Variants in CCDC136 observed in about 807,000 individuals in gnomAD.
CCDC136 encodes the protein coiled-coil domain containing 136, also known as coiled-coil domain-containing protein 136.
CCDC136 carries 100 observed loss-of-function variants against 141.2 expected under a neutral mutation model. That is an observed-to-expected ratio of 0.71 (90% confidence interval 0.60 to 0.84). The LOEUF is 0.84. Ranked by LOEUF, CCDC136 falls within the 40% of genes least tolerant of loss-of-function variation. CCDC136 has a pLI of 0.00. For synonymous variants in CCDC136, 474 were observed against 531.9 expected (o/e 0.89, Z 1.50); for missense variants, 1,206 against 1,379.4 (o/e 0.87, Z 1.99).
At chr7:128,791,400 G>GCCCT (rs959068039), upstream of CCDC136, 139 of 905,574 alleles carry the variant, frequency 1.5e-4, no homozygotes, top group African/African-American at 9.2e-4. This position sits in a 1 kb window ranked among gnomAD's most constrained non-coding sequence, Gnocchi z 7.1. Context: ...CCCCTCGTCC[G>GCCCT]CCCTCCCTCC....
Position 128,792,289 on chromosome 7 carries a change from C to A in CCDC136, c.-123C>A. On this transcript the variant is annotated 5_prime_UTR_variant, in exon 1 of 18. Transcript: ENST00000297788. The stretch of plus-strand genomic sequence containing the variant: ...CCCCAGCCCGCAGCCAGCCCCCCAC[C>A]CCCCAGCCCCTCCTTTCTCCCTGCT... The A allele has an allele frequency of 6.4e-7, 1 of 1,560,256 alleles. No individual in the cohort carries two copies.
At position 128,807,390 on chromosome 7, in the gene CCDC136, A is replaced by C; in HGVS notation, c.1450A>C (p.Met484Leu). ...AGAGACGCACGCTCAGCTTCAGGAG[A>C]TGAAGCAGCTGTACCAGGCCAGCAA... ...DTETHAQLQE[M>L]KQLYQASKDE... The change falls in exon 10 of 18, where the codon ATG becomes CTG. Residue 484 changes from methionine to leucine, a missense_variant. Physicochemically the swap from Met to Leu is conservative, Grantham distance 15. Coordinates refer to ENST00000297788, the MANE Select transcript of CCDC136 (RefSeq NM_022742.5). 1 of 1,569,100 alleles carries C rather than the reference A, an allele frequency of 6.4e-7. No individual in the cohort carries two copies. The highest frequency in any genetic ancestry group is 8.6e-7 in the Non-Finnish European group (1 of 1,157,752).
intron 3 of CCDC136, among the ~76,000 whole-genome samples, chr7:128,800,059 C>A (rs566096268): frequency 6.6e-6 from 1 of 152,288 alleles, no homozygotes; most frequent in Admixed American, 6.5e-5. Flanking sequence ...GAAACAACTA[C>A]TCATTATGGT....
At chr7:128,820,974 A>C (rs1807364251) in intron 17 of CCDC136, among the ~76,000 whole-genome samples, 2 of 152,202 alleles carry the variant, frequency 1.3e-5, no homozygotes, top group Admixed American at 6.5e-5. Flanking sequence ...ATAGCTTATG[A>C]CTCAAAATCC....
At position 128,811,830 on chromosome 7, in the gene CCDC136, G is replaced by T; in HGVS notation, c.2059G>T (p.Ala687Ser). The T allele has an allele frequency of 3.1e-6, 5 of 1,600,014 alleles. No homozygotes were observed. The highest frequency in any genetic ancestry group is 3.4e-6 in the Non-Finnish European group (4 of 1,174,256). ...QSKLLMEQMQ[A>S]LQVMYDAGQA... is the part of the protein sequence containing the mutation. ...CAAGCTGCTCATGGAGCAGATGCAG[G>T]CCCTGCAGGTGATGTATGACGCCGG... The change falls in exon 13 of 18, where the codon GCC becomes TCC. Residue 687 changes from alanine to serine, a missense_variant. Physicochemically the swap from Ala to Ser is moderately conservative, Grantham distance 99 (BLOSUM62 1). Transcript: ENST00000297788.
At chr7:128,803,205 T>C (rs1235259463) in intron 4 of CCDC136, among the ~76,000 whole-genome samples, 1 of 152,226 alleles carries the variant, frequency 6.6e-6, no homozygotes, top group Non-Finnish European at 1.5e-5. Flanking sequence ...AGAGTCTTGC[T>C]CTGTTACCCA....
At chr7:128,796,571 T>G (rs1802976735) in intron 3 of CCDC136, among the ~76,000 whole-genome samples, 1 of 151,724 alleles carries the variant, frequency 6.6e-6, no homozygotes, top group Non-Finnish European at 1.5e-5. Flanking sequence ...CTGCTTTACA[T>G]TTTTAAAAGA....
intron 3 of CCDC136, among the ~76,000 whole-genome samples, chr7:128,796,722 A>AATATATATATATATATATATAT (rs149502865): frequency 4.1e-5 from 5 of 120,716 alleles, no homozygotes; most frequent in South Asian, 2.5e-4. Flanking sequence ...GATGATTCAG[A>AATATATATATATATATATATAT]ATATATATAT....
chr7:128,806,449 AG>A, intron 8 of CCDC136, 54 bp downstream of exon 8: 1 of 1,498,848 alleles, frequency 6.7e-7, no homozygotes, highest in Non-Finnish European at 9.0e-7. Context: ...CATCCTTCTG[AG>A]GTTTTGGGGA....
chr7:128,794,207 T>C lies in CCDC136; in HGVS notation c.17-141T>C. On this transcript the variant is annotated intron_variant, in intron 1 of 17. Coordinates refer to ENST00000297788, the MANE Select transcript of CCDC136 (RefSeq NM_022742.5). The surrounding 1 kb of genome is among the most constrained non-coding windows in gnomAD (Gnocchi z 4.3). ...CCTGAGGACTCATCTTGAGTACAGG[T>C]CTTGCCCCGGGGCTCCTTGGGGGAC... 8.9e-7 allele frequency: 1 copy of C among 1,125,812 alleles called. No homozygotes were observed. Among genetic ancestry groups the C allele is most frequent in the Non-Finnish European group, 1.3e-6 (1 of 767,720 alleles). 69.7% of individuals were successfully genotyped at this position (1,125,812 alleles called of 1,614,324 possible). A position where few individuals can be genotyped will look rare whatever the true frequency, so the allele number is the denominator to read the frequency against.
Position 128,794,192 on chromosome 7 carries a change from C to T in CCDC136, c.17-156C>T, listed in dbSNP as rs1802605890. On this transcript the variant is annotated intron_variant, in intron 1 of 17. Transcript: ENST00000297788. The surrounding 1 kb of genome is among the most constrained non-coding windows in gnomAD (Gnocchi z 4.3). ...AACTTGACTCTCACACCTGAGGACTCATCTTGAGTACAGGTCTTGCCCCGG... is the reference window on the plus strand; with the variant it reads ...AACTTGACTCTCACACCTGAGGACTTATCTTGAGTACAGGTCTTGCCCCGG... 1.1e-6 allele frequency: 1 copy of T among 946,216 alleles called. No homozygotes were observed. Among genetic ancestry groups the T allele is most frequent in the Admixed American group, 2.0e-5 (1 of 50,108 alleles). The allele number at this position is 946,216 out of a possible 1,614,324, so 58.6% of individuals were successfully genotyped here. A position where few individuals can be genotyped will look rare whatever the true frequency, so the allele number is the denominator to read the frequency against.
chr7:128,814,497 T>A (rs1286515927), intron 14 of CCDC136, 141 bp from the exon 15 acceptor site: 1 of 554,042 alleles, frequency 1.8e-6, no homozygotes, highest in African/African-American at 1.9e-5. Context: ...GAATATTTTC[T>A]TTATTGTCTA....
rs372613683 is a variant in CCDC136, at chr7:128,810,358, C to T, written c.2020C>T (p.Arg674Ter). ...SKLAKSSKCN[R>*]NKQSKLLMEQ... ...ATTGGCTAAGTCCTCCAAATGTAATCGAAACAAGGTAACCATAGCAAGAGG... is the reference window on the plus strand; with the variant it reads ...ATTGGCTAAGTCCTCCAAATGTAATTGAAACAAGGTAACCATAGCAAGAGG... Residue 674 changes from arginine to a stop codon, truncating the protein, a stop_gained, in exon 12 of 18, where the codon CGA (arginine) becomes TGA (stop). Coordinates refer to ENST00000297788, the MANE Select transcript of CCDC136 (RefSeq NM_022742.5). LOFTEE classifies it high-confidence loss of function. 6 of 1,610,198 alleles carry T rather than the reference C, an allele frequency of 3.7e-6. No homozygotes were observed. The highest frequency in any genetic ancestry group is 5.1e-6 in the Non-Finnish European group (6 of 1,176,942).
chr7:128,806,855 G>A lies in CCDC136; in HGVS notation c.1416G>A (p.Glu472=). The change falls in exon 9 of 18, where the codon GAG becomes GAA. Residue 472 remains glutamate (E), a synonymous_variant. Coordinates refer to ENST00000297788, the MANE Select transcript of CCDC136 (RefSeq NM_022742.5). ...DTVASFKESN[E]KDTETHAQLQ... ...TGGCCTCCTTCAAAGAGAGCAATGA[G>A]AAGGTAAAAGAAGCTCCTGGTGAGG... 2.5e-6 allele frequency: 4 copies of A among 1,596,848 alleles called. No homozygotes were observed. The South Asian group carries it at 4.5e-5, about 18-fold the overall frequency.
At chr7:128,814,947 A>G in intron 15 of CCDC136, 28 bp downstream of exon 15, 1 of 1,523,458 alleles carries the variant, frequency 6.6e-7, no homozygotes, top group Non-Finnish European at 8.8e-7. Flanking sequence ...TAGCCAGATA[A>G]GCAGAAAGGA....
At chr7:128,809,343 A>AGGGAGAGGATCACAAGAGGC in intron 10 of CCDC136, 107 bp from the exon 11 acceptor site, 1 of 759,652 alleles carries the variant, frequency 1.3e-6, no homozygotes, top group Non-Finnish European at 2.2e-6. Context: ...GTGACTGCAC[A>AGGGAGAGGATCACAAGAGGC]GGGAGAGGAT....
intron 14 of CCDC136, among the ~76,000 whole-genome samples, chr7:128,813,998 T>C (rs866172821): frequency 3.9e-5 from 6 of 151,954 alleles, no homozygotes; most frequent in Non-Finnish European, 7.4e-5. Flanking sequence ...AAAAGAATTA[T>C]ATAATAAATC....
At chr7:128,809,333 G>A (rs1565628) in intron 10 of CCDC136, 117 bp from the exon 11 acceptor site, 238,289 of 719,656 alleles carry the variant, frequency 0.33, 42,026 homozygotes, top group Admixed American at 0.41. Flanking sequence ...CCAGTCCAAG[G>A]TGACTGCACA....
intron 3 of CCDC136, among the ~76,000 whole-genome samples, chr7:128,797,426 A>C (rs1649980027): frequency 1.3e-5 from 2 of 152,220 alleles, no homozygotes; most frequent in African/African-American, 4.8e-5. Flanking sequence ...CCAGTCCCAG[A>C]GACACTCCAG....
Sources: allele counts gnomAD v4.1 joint callset (sites outside exome capture counted in the v4.1 genomes callset), GRCh38; gene constraint gnomAD v4.1.1; non-coding constraint Gnocchi (gnomAD v3.1); transcripts MANE v1.5; gene names NCBI Gene and HGNC (gene_info 2026-07-23, HGNC 2026-07-21).